Variants in NMT1 observed in about 807,000 individuals in gnomAD.
NMT1 encodes the protein N-myristoyltransferase 1.
In NMT1, 12 loss-of-function variants were observed where a neutral mutation model predicts 63.4. That is an observed-to-expected ratio of 0.19 (90% confidence interval 0.12 to 0.31). NMT1 has a LOEUF of 0.31. Ranked by LOEUF, NMT1 falls within the 10% of genes least tolerant of loss-of-function variation. The pLI, the probability that NMT1 is intolerant of heterozygous loss-of-function variation, is 1.00. For synonymous variants in NMT1, 228 were observed against 234.3 expected, an observed-to-expected ratio of 0.97 and a Z score of 0.25; for missense variants, 432 against 634.6, an observed-to-expected ratio of 0.68 and a Z score of 3.43.
chr17:45,099,439 A>T lies in NMT1; in HGVS notation c.919A>T (p.Ile307Phe). The change falls in exon 8 of 12, where the codon ATT (isoleucine) becomes TTT (phenylalanine). Residue 307 changes from isoleucine (I) to phenylalanine (F), a missense_variant. By Grantham distance (21) the Ile-to-Phe change is conservative. Around this residue, in one of 4 missense-constraint regions of NMT1, gnomAD observed 295 missense variants for 489.7 expected, o/e 0.60. Coordinates refer to ENST00000258960, the MANE Select transcript of NMT1 (RefSeq NM_021079.5). ...WHRSLNPRKLIEVKFSHLSRN... is the reference protein window; with the variant it reads ...WHRSLNPRKLFEVKFSHLSRN... ...TCGGTCCCTAAACCCACGGAAGCTG[A>T]TTGAAGTGAAGTTCTCCCACCTGAG... 1 of 1,614,116 alleles carries T rather than the reference A, an allele frequency of 6.2e-7. No individual in the cohort carries two copies. The highest frequency in any genetic ancestry group is 8.5e-7 in the Non-Finnish European group (1 of 1,179,940).
At chr17:45,070,619 G>A (rs1024101977) in intron 1 of NMT1, among the ~76,000 whole-genome samples, 1 of 151,646 alleles carries the variant, frequency 6.6e-6, no homozygotes, top group East Asian at 1.9e-4. Context: ...GGGTTTCACC[G>A]TATTAGCCAG....
intron 3 of NMT1, among the ~76,000 whole-genome samples, chr17:45,088,976 T>A (rs1308958814): frequency 6.6e-6 from 1 of 152,226 alleles, no homozygotes; most frequent in Non-Finnish European, 1.5e-5. Context: ...TGGCTTTGCC[T>A]TCTGTGCAGT....
chr17:45,069,442 C>T (rs1030643985), intron 1 of NMT1, among the ~76,000 whole-genome samples: 6 of 151,672 alleles, frequency 4.0e-5, no homozygotes, highest in African/African-American at 1.5e-4. Context: ...CAGGCACATG[C>T]CACCACGCCC....
intron 1 of NMT1, among the ~76,000 whole-genome samples, chr17:45,063,221 A>C (rs1212455001): frequency 6.6e-6 from 1 of 151,806 alleles, no homozygotes; most frequent in African/African-American, 2.4e-5. Flanking sequence ...AAAAAAAAAA[A>C]AAAAAAATCA....
Position 45,103,943 on chromosome 17 carries a change from A to G in NMT1, c.1332+67A>G. On this transcript the variant is annotated intron_variant, in intron 10 of 11. Coordinates refer to ENST00000258960, the MANE Select transcript of NMT1 (RefSeq NM_021079.5). The surrounding 1 kb of genome is among the most constrained non-coding windows in gnomAD (Gnocchi z 4.8). ...GAGGCAGTGGAGCCATGGTGAGCAC[A>G]GCTCCCGGGACGCAGCCTCCCATGG... 6.2e-7 allele frequency: 1 copy of G among 1,604,796 alleles called. No individual in the cohort carries two copies. The highest frequency in any genetic ancestry group is 8.5e-7 in the Non-Finnish European group (1 of 1,179,820).
At chr17:45,074,869 G>T (rs563914855) in intron 1 of NMT1, among the ~76,000 whole-genome samples, 4 of 152,300 alleles carry the variant, frequency 2.6e-5, no homozygotes, top group Middle Eastern at 3.4e-3. Flanking sequence ...GTGCCGAATC[G>T]CAGCATGCCC....
At chr17:45,085,603 T>C (rs1036965058) in intron 2 of NMT1, among the ~76,000 whole-genome samples, 33 of 152,222 alleles carry the variant, frequency 2.2e-4, no homozygotes, top group African/African-American at 7.5e-4. Flanking sequence ...GTGTTTACTT[T>C]CTATGTGTCT....
intron 1 of NMT1, among the ~76,000 whole-genome samples, chr17:45,070,542 T>C (rs1178182323): frequency 6.6e-6 from 1 of 152,178 alleles, no homozygotes; most frequent in Non-Finnish European, 1.5e-5. Flanking sequence ...CTCAGCCTCC[T>C]GGGTAGCTGG....
At chr17:45,069,310 G>A (rs2053925116) in intron 1 of NMT1, among the ~76,000 whole-genome samples, 1 of 105,900 alleles carries the variant, frequency 9.4e-6, no homozygotes, top group Non-Finnish European at 2.2e-5. Context: ...ATTTATTTTT[G>A]AGACAGAGTC....
chr17:45,089,382 G>A (rs879861355), intron 3 of NMT1, among the ~76,000 whole-genome samples: 8 of 151,910 alleles, frequency 5.3e-5, no homozygotes, highest in African/African-American at 9.7e-5. Flanking sequence ...TCACTCTGTC[G>A]CCCAGGCTGG....
At position 45,105,749 on chromosome 17, in the gene NMT1, A is replaced by G. The variant is rs1171204481; in HGVS notation, c.*110A>G. 5.3e-6 allele frequency: 6 copies of G among 1,133,192 alleles called. No homozygotes were observed. Among genetic ancestry groups the G allele is most frequent in the Non-Finnish European group, 6.5e-6 (5 of 768,362 alleles). The allele number at this position is 1,133,192 out of a possible 1,614,324, so 70.2% of individuals were successfully genotyped here. On this transcript the variant is annotated 3_prime_UTR_variant, in exon 12 of 12. Coordinates refer to ENST00000258960, the MANE Select transcript of NMT1 (RefSeq NM_021079.5). This position sits in a 1 kb window ranked among gnomAD's most constrained non-coding sequence, Gnocchi z 4.2. ...ACACGTGAGAATCCCTGGCAAAGGG[A>G]GCAGAACTGAACCGGCTTTACCAAA...
In NMT1 at chr17:45,105,889, C is replaced by A; in HGVS notation, c.*250C>A. ...AATTACATCCTCATGCAGCCGTGAT[C>A]AAGGGAATGTAACTGCTGAAAACTA... On this transcript the variant is annotated 3_prime_UTR_variant, in exon 12 of 12. Transcript: ENST00000258960. The surrounding 1 kb of genome is among the most constrained non-coding windows in gnomAD (Gnocchi z 4.2). 4.2e-6 allele frequency: 2 copies of A among 478,478 alleles called. No individual in the cohort carries two copies. Among genetic ancestry groups the A allele is most frequent in the Non-Finnish European group, 7.3e-6 (2 of 273,352 alleles). The allele number at this position is 478,478 out of a possible 1,614,324, so 29.6% of individuals were successfully genotyped here.
At chr17:45,070,017 A>G (rs899029303) in intron 1 of NMT1, among the ~76,000 whole-genome samples, 1 of 152,138 alleles carries the variant, frequency 6.6e-6, no homozygotes, top group Admixed American at 6.6e-5. Flanking sequence ...TAACTCGCCA[A>G]ACAAACTCAG....
chr17:45,087,774 G>A (rs59710160), intron 3 of NMT1, among the ~76,000 whole-genome samples: 24 of 152,240 alleles, frequency 1.6e-4, no homozygotes, highest in Admixed American at 7.2e-4. Flanking sequence ...TAGTATGTTC[G>A]GTGCAGAGGA....
Position 45,104,243 on chromosome 17 carries a change from C to T in NMT1, c.1332+367C>T. 1 of 1,206,690 alleles carries T rather than the reference C, an allele frequency of 8.3e-7. No individual in the cohort carries two copies. The highest frequency in any genetic ancestry group is 1.6e-5 in the South Asian group (1 of 62,742). The allele number at this position is 1,206,690 out of a possible 1,614,324, so 74.7% of individuals were successfully genotyped here. On this transcript the variant is annotated intron_variant, in intron 10 of 11. Coordinates refer to ENST00000258960, the MANE Select transcript of NMT1 (RefSeq NM_021079.5). This position sits in a 1 kb window ranked among gnomAD's most constrained non-coding sequence, Gnocchi z 4.2. The stretch of plus-strand genomic sequence containing the variant: ...TGTCGTGGTGAGTCATTGGAGCATC[C>T]AACTGCCAGTAGCGGATGGCGAGCC...
At chr17:45,064,108 C>G (rs2053886336) in intron 1 of NMT1, among the ~76,000 whole-genome samples, 1 of 152,014 alleles carries the variant, frequency 6.6e-6, no homozygotes, top group South Asian at 2.1e-4. Flanking sequence ...TCACTCGAAC[C>G]CGGGAGGCGG....
At chr17:45,097,102 C>A (rs773904142) in intron 5 of NMT1, 26 bp from the exon 6 acceptor site, 1 of 1,600,288 alleles carries the variant, frequency 6.2e-7, no homozygotes, top group African/African-American at 1.3e-5. Context: ...GCAAGCAGCA[C>A]AACCACCCCA....
chr17:45,062,193 T>G (rs924908094), intron 1 of NMT1, among the ~76,000 whole-genome samples: 1 of 152,212 alleles, frequency 6.6e-6, no homozygotes, highest in African/African-American at 2.4e-5. Context: ...TATCCTGTAC[T>G]TTAGGGTCTT....
intron 2 of NMT1, among the ~76,000 whole-genome samples, chr17:45,084,336 C>CG (rs573356663): frequency 1.4e-5 from 2 of 141,198 alleles, no homozygotes; most frequent in African/African-American, 2.6e-5. Flanking sequence ...GCTTGGTAAA[C>CG]TTTTTTTTTT....
Sources: allele counts gnomAD v4.1 joint callset (sites outside exome capture counted in the v4.1 genomes callset), GRCh38; gene constraint gnomAD v4.1.1; regional missense constraint gnomAD v4.1.1; non-coding constraint Gnocchi (gnomAD v3.1); transcripts MANE v1.5; gene names NCBI Gene and HGNC (gene_info 2026-07-23, HGNC 2026-07-21).